LIN7A: variants seen among roughly 807,000 people sequenced by gnomAD.
LIN7A encodes the protein lin-7 cell polarity scaffold A, also known as protein lin-7 homolog A.
In LIN7A, 25 loss-of-function variants were observed where a neutral mutation model predicts 29.8. The observed-to-expected ratio is 0.84, with a 90% CI of 0.61 to 1.17. The LOEUF is 1.17. LIN7A is among the 50% of genes most tolerant of loss of function. LIN7A has a pLI of 0.00. For synonymous variants in LIN7A, 118 were observed against 107.5 expected, an observed-to-expected ratio of 1.10 and a Z score of -0.60; for missense variants, 239 against 287.0, an observed-to-expected ratio of 0.83 and a Z score of 1.21.
At chr12:80,799,510 C>A (rs1362982398) in intron 5 of LIN7A, among the ~76,000 whole-genome samples, 2 of 151,744 alleles carry the variant, frequency 1.3e-5, no homozygotes, top group Non-Finnish European at 2.9e-5. Context: ...AGGGAAATAA[C>A]CCTGGATTAT....
At chr12:80,923,428 C>T (rs1877419307) in intron 1 of LIN7A, among the ~76,000 whole-genome samples, 1 of 152,162 alleles carries the variant, frequency 6.6e-6, no homozygotes, top group Non-Finnish European at 1.5e-5. Flanking sequence ...CTGCCTAATA[C>T]ACTGTCTATG....
chr12:80,879,547 G>A (rs1457294984), intron 2 of LIN7A, among the ~76,000 whole-genome samples: 2 of 146,626 alleles, frequency 1.4e-5, no homozygotes, highest in Non-Finnish European at 3.0e-5. Context: ...AGTTTTCAAT[G>A]AGAAGGCTGT....
chr12:80,859,348 GTT>G (rs1297386219), intron 2 of LIN7A, among the ~76,000 whole-genome samples: 2 of 152,256 alleles, frequency 1.3e-5, no homozygotes, highest in African/African-American at 2.4e-5. Context: ...GGGTTAATAA[GTT>G]TGATTTCAGA....
intron 5 of LIN7A, among the ~76,000 whole-genome samples, chr12:80,799,496 A>G (rs2121477786): frequency 6.6e-6 from 1 of 152,328 alleles, no homozygotes; most frequent in East Asian, 1.9e-4. Context: ...GCCTATGTTA[A>G]AATAGGGAAA....
chr12:80,929,964 G>T (rs1397809882), intron 1 of LIN7A, among the ~76,000 whole-genome samples: 1 of 152,048 alleles, frequency 6.6e-6, no homozygotes, highest in Non-Finnish European at 1.5e-5. Context: ...GTGATTTCAT[G>T]CTATGTTTCT....
chr12:80,824,507 C>A (rs942325057), intron 4 of LIN7A, among the ~76,000 whole-genome samples: 1 of 152,144 alleles, frequency 6.6e-6, no homozygotes, highest in African/African-American at 2.4e-5. Context: ...CTCCCTAAAT[C>A]ATTCTATGAA....
intron 1 of LIN7A, among the ~76,000 whole-genome samples, chr12:80,932,674 C>A (rs1051998677): frequency 6.6e-6 from 1 of 152,152 alleles, no homozygotes; most frequent in African/African-American, 2.4e-5. Flanking sequence ...ATTAAGGGAA[C>A]AGAGTAAGCA....
chr12:80,912,814 G>T (rs562759692), intron 1 of LIN7A, among the ~76,000 whole-genome samples: 3 of 151,910 alleles, frequency 2.0e-5, no homozygotes, highest in African/African-American at 7.2e-5. Flanking sequence ...GGTTACCCAC[G>T]CCAGTCTCCA....
chr12:80,915,289 A>G (rs547928026), intron 1 of LIN7A, among the ~76,000 whole-genome samples: 9 of 152,316 alleles, frequency 5.9e-5, no homozygotes, highest in African/African-American at 2.2e-4. Context: ...ACTAATCATC[A>G]GAAAATGCAA....
chr12:80,820,951 T>G (rs1229769388), intron 4 of LIN7A, among the ~76,000 whole-genome samples: 1 of 152,202 alleles, frequency 6.6e-6, no homozygotes, highest in Non-Finnish European at 1.5e-5. Flanking sequence ...CAGAGTGTTG[T>G]GACCGCCAGT....
intron 4 of LIN7A, among the ~76,000 whole-genome samples, chr12:80,839,399 G>T (rs532945150): frequency 6.6e-6 from 1 of 152,210 alleles, no homozygotes; most frequent in South Asian, 2.1e-4. Context: ...ATCATTACGG[G>T]TAAATAATGA....
At chr12:80,804,037 ACTC>A (rs1870850540) in intron 5 of LIN7A, among the ~76,000 whole-genome samples, 1 of 151,494 alleles carries the variant, frequency 6.6e-6, no homozygotes, top group Admixed American at 6.6e-5. Context: ...CATTTAAAAA[ACTC>A]CTATATGCTT....
At chr12:80,931,469 CGT>C (rs1877899904) in intron 1 of LIN7A, among the ~76,000 whole-genome samples, 2 of 152,052 alleles carry the variant, frequency 1.3e-5, no homozygotes, top group South Asian at 4.1e-4. Context: ...GGCAAAAACC[CGT>C]CTCTATTAAA....
intron 2 of LIN7A, among the ~76,000 whole-genome samples, chr12:80,872,579 C>G (rs1159477108): frequency 1.3e-5 from 2 of 152,106 alleles, no homozygotes; most frequent in Admixed American, 6.5e-5. Context: ...TTTTCTAAGA[C>G]CTTACATTTC....
chr12:80,894,538 A>G (rs1189183265), intron 1 of LIN7A, among the ~76,000 whole-genome samples: 1 of 152,192 alleles, frequency 6.6e-6, no homozygotes. Context: ...TTTCGATTTA[A>G]TAATTTTGGA....
intron 1 of LIN7A, among the ~76,000 whole-genome samples, chr12:80,893,417 A>G (rs908443351): frequency 6.6e-6 from 1 of 152,124 alleles, no homozygotes; most frequent in African/African-American, 2.4e-5. Context: ...TAGCTTCCAT[A>G]TGATTTCTAA....
chr12:80,794,977 A>G lies in LIN7A; in HGVS notation c.*2750T>C, dbSNP rs1227909096. ...TATCCCACCGGCCACTGACCTAAAA[A>G]AGGGAAAAAATTAAATTTCACCAGG... On this transcript the variant is annotated 3_prime_UTR_variant, in exon 6 of 6. Transcript: ENST00000552864. 2.0e-5 allele frequency: 3 copies of G among 152,184 alleles called. No individual in the cohort carries two copies. Among genetic ancestry groups the G allele is most frequent in the Non-Finnish European group, 2.9e-5 (2 of 68,012 alleles). The allele number at this position is 152,184 out of a possible 1,614,324, so 9.4% of individuals were successfully genotyped here. A position where few individuals can be genotyped will look rare whatever the true frequency, so the allele number is the denominator to read the frequency against.
At chr12:80,857,708 A>G (rs1286910918) in intron 2 of LIN7A, among the ~76,000 whole-genome samples, 2 of 152,202 alleles carry the variant, frequency 1.3e-5, no homozygotes, top group Non-Finnish European at 2.9e-5. Context: ...TTGAAGAAAA[A>G]TGTAGTCTCA....
chr12:80,912,246 A>C (rs1018571517), intron 1 of LIN7A, among the ~76,000 whole-genome samples: 3 of 151,860 alleles, frequency 2.0e-5, no homozygotes, highest in Admixed American at 6.6e-5. Context: ...AGAAAAACAC[A>C]TTGTTTACCT....
Sources: gnomAD v4.1 joint callset for allele counts (sites outside exome capture counted in the v4.1 genomes callset) on GRCh38, gnomAD v4.1.1 for gene constraint, MANE v1.5 for transcripts, NCBI Gene and HGNC (gene_info 2026-07-23, HGNC 2026-07-21) for gene names.